The following AFF3 variants were observed in gnomAD, a reference collection of about 807,000 sequenced individuals.
The protein encoded by AFF3 is AF4/FMR2 family member 3.
In AFF3, 32 loss-of-function variants were observed where a neutral mutation model predicts 129.7. That is an observed-to-expected ratio of 0.25 (90% CI 0.19 to 0.33). AFF3 has a LOEUF of 0.33. AFF3 is among the 10% of genes least tolerant of loss of function. The pLI, the probability that AFF3 is intolerant of heterozygous loss-of-function variation, is 1.00. For missense variants in AFF3, 1,373 were observed against 1,592.0 expected, an observed-to-expected ratio of 0.86 and a Z score of 2.34; for synonymous variants, 644 against 635.4, an observed-to-expected ratio of 1.01 and a Z score of -0.20.
chr2:99,655,537 T>C (rs1207769295), intron 12 of AFF3, among the ~76,000 whole-genome samples: 2 of 152,124 alleles, frequency 1.3e-5, no homozygotes, highest in African/African-American at 2.4e-5. Context: ...AAGATGTCAC[T>C]GTGCTGCGGT....
intron 13 of AFF3, among the ~76,000 whole-genome samples, chr2:99,604,628 T>TA (rs1020472175): frequency 6.6e-6 from 1 of 151,966 alleles, no homozygotes; most frequent in Non-Finnish European, 1.5e-5. Context: ...CCCCTTAACT[T>TA]AAAAAAATCG....
intron 6 of AFF3, 55 bp downstream of exon 6, chr2:100,007,093 G>C: frequency 6.3e-7 from 1 of 1,593,520 alleles, no homozygotes; most frequent in Non-Finnish European, 8.5e-7. Context: ...TTTCATTATA[G>C]TTCTCTGGGT....
intron 4 of AFF3, among the ~76,000 whole-genome samples, chr2:100,030,326 A>G (rs1684389604): frequency 6.6e-6 from 1 of 152,200 alleles, no homozygotes; most frequent in South Asian, 2.1e-4. Flanking sequence ...GCAAAATAAA[A>G]CAACGAGATA....
intron 7 of AFF3, among the ~76,000 whole-genome samples, chr2:99,921,061 T>G (rs925269153): frequency 6.6e-6 from 1 of 152,066 alleles, no homozygotes; most frequent in African/African-American, 2.4e-5. Context: ...TCTTCCCAAA[T>G]TGATCTAAAG....
intron 7 of AFF3, among the ~76,000 whole-genome samples, chr2:100,003,697 A>T (rs1053925607): frequency 1.3e-5 from 2 of 152,232 alleles, no homozygotes; most frequent in African/African-American, 4.8e-5. Context: ...AATTTGCCAT[A>T]GCAGCAGGTA....
chr2:99,893,199 C>T (rs894302781), intron 7 of AFF3, among the ~76,000 whole-genome samples: 2 of 152,200 alleles, frequency 1.3e-5, no homozygotes, highest in Non-Finnish European at 2.9e-5. Context: ...GCTGGGGCCA[C>T]CTTCTGCTCA....
chr2:99,562,362 T>C (rs1675549873), intron 20 of AFF3, among the ~76,000 whole-genome samples: 1 of 152,228 alleles, frequency 6.6e-6, no homozygotes. Context: ...ATTTCTTCTT[T>C]ACTGCTCAGA....
At chr2:99,948,271 C>G (rs1369066366) in intron 7 of AFF3, among the ~76,000 whole-genome samples, 1 of 152,118 alleles carries the variant, frequency 6.6e-6, no homozygotes, top group Non-Finnish European at 1.5e-5. Flanking sequence ...GATGGCCTGA[C>G]TGCTCCCCAT....
intron 8 of AFF3, among the ~76,000 whole-genome samples, chr2:99,775,321 A>G (rs985430747): frequency 1.3e-5 from 2 of 152,228 alleles, no homozygotes; most frequent in African/African-American, 4.8e-5. Flanking sequence ...CCCATCAATG[A>G]TAGACTGAAT....
chr2:99,645,217 G>A (rs185669146), intron 13 of AFF3, among the ~76,000 whole-genome samples: 115 of 152,262 alleles, frequency 7.6e-4, no homozygotes, highest in African/African-American at 2.7e-3. Context: ...CATGGCACTG[G>A]GCAGGGCACG....
chr2:100,106,634 A>G (rs1211637774), intron 2 of AFF3: 1 of 987,300 alleles, frequency 1.0e-6, no homozygotes, highest in Non-Finnish European at 1.2e-6. Context: ...TGAACAAGAA[A>G]TGTGTCCTGT....
chr2:99,872,099 G>A (rs955462726), intron 7 of AFF3, among the ~76,000 whole-genome samples: 2 of 151,214 alleles, frequency 1.3e-5, no homozygotes, highest in East Asian at 2.0e-4. Flanking sequence ...CCAGCTACTC[G>A]GGAGGCTGAG....
chr2:99,840,839 A>G (rs956631554), intron 7 of AFF3, among the ~76,000 whole-genome samples: 1 of 152,182 alleles, frequency 6.6e-6, no homozygotes, highest in African/African-American at 2.4e-5. Flanking sequence ...GGTCACTTGG[A>G]AGGATTTCCT....
chr2:99,782,933 T>C (rs568323923), intron 8 of AFF3, among the ~76,000 whole-genome samples: 2 of 152,324 alleles, frequency 1.3e-5, no homozygotes, highest in East Asian at 3.9e-4. Flanking sequence ...GTTTTAAACA[T>C]CCAAAAAGTC....
intron 4 of AFF3, among the ~76,000 whole-genome samples, chr2:100,022,230 T>A (rs1683649310): frequency 6.6e-6 from 1 of 152,206 alleles, no homozygotes; most frequent in Non-Finnish European, 1.5e-5. Flanking sequence ...TAATCTATCA[T>A]ACAAATATTT....
intron 4 of AFF3, among the ~76,000 whole-genome samples, chr2:100,062,292 C>G (rs2105239273): frequency 6.6e-6 from 1 of 152,324 alleles, no homozygotes; most frequent in Middle Eastern, 3.4e-3. Flanking sequence ...GTGGAAGGCC[C>G]TTTAAAACCA....
intron 8 of AFF3, among the ~76,000 whole-genome samples, chr2:99,835,879 G>C (rs972359378): frequency 1.3e-5 from 2 of 152,170 alleles, no homozygotes; most frequent in African/African-American, 2.4e-5. Flanking sequence ...CAGCACTGGC[G>C]GTGGGAGGGA....
At chr2:99,555,623 ATCATGCCT>A (rs1033462191) in intron 22 of AFF3, among the ~76,000 whole-genome samples, 87 of 152,296 alleles carry the variant, frequency 5.7e-4, no homozygotes, top group African/African-American at 2.1e-3. Context: ...TGAGAACCCA[ATCATGCCT>A]TCATAGGACT....
chr2:99,581,002 A>G lies in AFF3; in HGVS notation c.2793+1796T>C, dbSNP rs531929115. On this transcript the variant is annotated intron_variant, in intron 17 of 24. Coordinates refer to ENST00000672756, the MANE Select transcript of AFF3 (RefSeq NM_001386135.1). ...CTAGTTCTTTGTGAGTTCCCTTTTTAGTACTGAAACCATTGGTGGTGAATC... is the reference window on the plus strand; with the variant it reads ...CTAGTTCTTTGTGAGTTCCCTTTTTGGTACTGAAACCATTGGTGGTGAATC... 2.6e-5 allele frequency among the ~76,000 whole-genome samples: 4 copies of G among 152,328 alleles called. No individual in the cohort carries two copies. The East Asian group carries it at 7.7e-4, about 29-fold the overall frequency.
Sources: allele counts gnomAD v4.1 joint callset (sites outside exome capture counted in the v4.1 genomes callset), GRCh38; gene constraint gnomAD v4.1.1; transcripts MANE v1.5; gene names NCBI Gene and HGNC (gene_info 2026-07-23, HGNC 2026-07-21).